The following HTRA1 variants were observed in gnomAD, a reference collection of about 807,000 sequenced individuals.
HTRA1 encodes HtrA serine peptidase 1.
Under a neutral mutation model 49.7 loss-of-function variants are expected in HTRA1, and 26 were observed. That is an observed-to-expected ratio of 0.52 (90% CI 0.38 to 0.73). The LOEUF is 0.73. Among genes scored for constraint, HTRA1 ranks in the 30% least tolerant of loss-of-function variants. The pLI is 0.00. For missense variants in HTRA1, 561 were observed against 667.2 expected, an observed-to-expected ratio of 0.84 and a Z score of 1.75; for synonymous variants, 291 against 286.9, an observed-to-expected ratio of 1.01 and a Z score of -0.14.
At chr10:122,466,108 G>A (rs1161022772) in intron 1 of HTRA1, among the ~76,000 whole-genome samples, 1 of 152,164 alleles carries the variant, frequency 6.6e-6, no homozygotes, top group African/African-American at 2.4e-5. Flanking sequence ...TACATACCTG[G>A]TGAAGAACCA....
At chr10:122,473,075 CT>C (rs1392627087) in intron 1 of HTRA1, among the ~76,000 whole-genome samples, 2 of 152,152 alleles carry the variant, frequency 1.3e-5, no homozygotes, top group Admixed American at 1.3e-4. Context: ...TGTTAGATTC[CT>C]TTTTTGGTCT....
At chr10:122,510,773 A>G (rs1374830867) in intron 7 of HTRA1, among the ~76,000 whole-genome samples, 1 of 152,210 alleles carries the variant, frequency 6.6e-6, no homozygotes, top group East Asian at 1.9e-4. Flanking sequence ...AAACTGTCAG[A>G]GGTAAAGTAG....
intron 8 of HTRA1, among the ~76,000 whole-genome samples, chr10:122,512,405 G>A (rs1393297721): frequency 6.6e-6 from 1 of 152,166 alleles, no homozygotes; most frequent in Non-Finnish European, 1.5e-5. Flanking sequence ...TCACTTGGTG[G>A]TCCTTTTCTA....
Position 122,512,001 on chromosome 10 carries a change from G to C in HTRA1, c.1210G>C (p.Asp404His). ...KAKELKDRHR[D>H]FPDVISGAYI... ...CAAAGAGCTGAAGGACCGGCACCGG[G>C]ACTTCCCAGACGTGATCTCAGGAGC... is the stretch of plus-strand genomic sequence containing the variant. The change falls in exon 8 of 9, where the codon GAC becomes CAC. Residue 404 changes from aspartate (D) to histidine (H), a missense_variant. Asp to His is a moderately conservative substitution (Grantham distance 81, BLOSUM62 -1). Transcript: ENST00000368984. 3 of 1,613,974 alleles carry C rather than the reference G, an allele frequency of 1.9e-6. No homozygotes were observed. Among genetic ancestry groups the C allele is most frequent in the Non-Finnish European group, 2.5e-6 (3 of 1,179,954 alleles).
In HTRA1 at chr10:122,514,634, A is replaced by G. The variant is rs1229355713; in HGVS notation, c.*275A>G. On this transcript the variant is annotated 3_prime_UTR_variant, in exon 9 of 9. Coordinates refer to ENST00000368984, the MANE Select transcript of HTRA1 (RefSeq NM_002775.5). ...TTGGGCCATTCTTGCTTAGACAGTC[A>G]GCATTTGTCTCCTCCTTTAACTGAG... 2.2e-6 allele frequency: 1 copy of G among 450,854 alleles called. No homozygotes were observed. Among genetic ancestry groups the G allele is most frequent in the African/African-American group, 2.0e-5 (1 of 50,304 alleles). The allele number at this position is 450,854 out of a possible 1,614,324, so 27.9% of individuals were successfully genotyped here.
chr10:122,494,416 G>A lies in HTRA1; in HGVS notation c.777+4790G>A, dbSNP rs568766568. ...CAATGAGGAAATGACCCTGCAGAAG[G>A]CTGGCTGCAGATGCCCCTGCCTCCC... On this transcript the variant is annotated intron_variant, in intron 3 of 8. Coordinates refer to ENST00000368984, the MANE Select transcript of HTRA1 (RefSeq NM_002775.5). The surrounding 1 kb of genome is among the most constrained non-coding windows in gnomAD (Gnocchi z 4.0). Among the ~76,000 whole-genome samples the A allele has an allele frequency of 1.3e-5, 2 of 152,324 alleles. No homozygotes were observed. Among genetic ancestry groups the A allele is most frequent in the East Asian group, 1.9e-4 (1 of 5,162 alleles).
In HTRA1 at chr10:122,461,660, TC is replaced by T; in HGVS notation, c.11del (p.Pro4ArgfsTer211). 7.6e-7 allele frequency: 1 copy of T among 1,312,154 alleles called. No homozygotes were observed. The highest frequency in any genetic ancestry group is 2.7e-5 in the Admixed American group (1 of 36,848). 81.3% of individuals were successfully genotyped at this position (1,312,154 alleles called of 1,614,324 possible). On this transcript the variant is annotated frameshift_variant, in exon 1 of 9. Transcript: ENST00000368984. LOFTEE classifies it high-confidence loss of function. MQ[I>X]PRAALLPLLL... ...GCCGCCGCCAGAGTCGCCATGCAGATCCCGCGCGCCGCTCTTCTCCCGCTGC... is the reference window on the plus strand; with the variant it reads ...GCCGCCGCCAGAGTCGCCATGCAGATCCGCGCGCCGCTCTTCTCCCGCTGC...
At chr10:122,513,419 C>T (rs2097506495) in intron 8 of HTRA1, among the ~76,000 whole-genome samples, 1 of 152,038 alleles carries the variant, frequency 6.6e-6, no homozygotes, top group Non-Finnish European at 1.5e-5. Flanking sequence ...TCAATCTTGA[C>T]CTTTGATCTC....
At chr10:122,502,354 C>A (rs1021698249) in intron 3 of HTRA1, among the ~76,000 whole-genome samples, 1 of 152,224 alleles carries the variant, frequency 6.6e-6, no homozygotes, top group Non-Finnish European at 1.5e-5. Context: ...CATCTTTAAT[C>A]ATGCTGTGGG....
intron 8 of HTRA1, 98 bp downstream of exon 8, chr10:122,512,163 A>G: frequency 1.1e-6 from 1 of 901,656 alleles, no homozygotes; most frequent in Non-Finnish European, 1.8e-6. Context: ...GGCTCAGATG[A>G]TTATGTTGAT....
At position 122,461,599 on chromosome 10, in the gene HTRA1, C is replaced by T. The variant is rs1275470694; in HGVS notation, c.-54C>T. The T allele has an allele frequency of 1.7e-6, 2 of 1,165,226 alleles. No individual in the cohort carries two copies. The highest frequency in any genetic ancestry group is 1.1e-6 in the Non-Finnish European group (1 of 890,780). The allele number at this position is 1,165,226 out of a possible 1,614,324, so 72.2% of individuals were successfully genotyped here. On this transcript the variant is annotated 5_prime_UTR_variant, in exon 1 of 9. Transcript: ENST00000368984. Reference sequence around the variant, plus strand: ...GGCCCTCCTGCACTCTCCCCGGCGCCGCTCTCCGGCCCTCGCCCTGTCCGC... The same window carrying T: ...GGCCCTCCTGCACTCTCCCCGGCGCTGCTCTCCGGCCCTCGCCCTGTCCGC...
intron 1 of HTRA1, among the ~76,000 whole-genome samples, chr10:122,466,234 C>T (rs573651402): frequency 3.9e-4 from 59 of 152,246 alleles, no homozygotes; most frequent in African/African-American, 8.9e-4. Flanking sequence ...GGCGCGATCT[C>T]GGCTCACTGC....
intron 3 of HTRA1, among the ~76,000 whole-genome samples, chr10:122,499,465 G>A (rs1179764087): frequency 6.6e-6 from 1 of 152,132 alleles, no homozygotes; most frequent in African/African-American, 2.4e-5. Flanking sequence ...ATTTTGCACT[G>A]GGCTCTGCTA....
intron 1 of HTRA1, among the ~76,000 whole-genome samples, chr10:122,463,668 C>T (rs1009192332): frequency 1.3e-5 from 2 of 152,232 alleles, no homozygotes; most frequent in African/African-American, 2.4e-5. Context: ...CACCCAGCTT[C>T]TCATTCCCGT....
chr10:122,506,920 G>A lies in HTRA1; in HGVS notation c.972+35G>A, dbSNP rs759676746. ...TGTCCCTCTGCGGGTGGGGATTGGGGCAGAGTTTTGCCAGGGGGAGAGGAG... is the reference window on the plus strand; with the variant it reads ...TGTCCCTCTGCGGGTGGGGATTGGGACAGAGTTTTGCCAGGGGGAGAGGAG... On this transcript the variant is annotated intron_variant, in intron 4 of 8. Coordinates refer to ENST00000368984, the MANE Select transcript of HTRA1 (RefSeq NM_002775.5). The surrounding 1 kb of genome is among the most constrained non-coding windows in gnomAD (Gnocchi z 5.2). The A allele has an allele frequency of 1.0e-5, 16 of 1,587,076 alleles. No individual in the cohort carries two copies. Among genetic ancestry groups the A allele is most frequent in the Non-Finnish European group, 1.3e-5 (15 of 1,158,190 alleles).
At chr10:122,507,223 C>A in intron 4 of HTRA1, 147 bp from the exon 5 acceptor site, 1 of 733,408 alleles carries the variant, frequency 1.4e-6, no homozygotes, top group Non-Finnish European at 2.4e-6. Context: ...TTTTTTCCGG[C>A]AAAATATTAG....
chr10:122,474,845 C>T (rs960071857), intron 1 of HTRA1, among the ~76,000 whole-genome samples: 10 of 152,178 alleles, frequency 6.6e-5, no homozygotes, highest in South Asian at 2.1e-4. Context: ...GTAACAGCAC[C>T]GATCAAACCC....
Position 122,514,225 on chromosome 10 carries a change from A to G in HTRA1, c.1309A>G (p.Ile437Val), listed in dbSNP as rs1349349165. Residue 437 changes from isoleucine (I) to valine (V), a missense_variant, in exon 9 of 9, where the codon ATC becomes GTC. By Grantham distance (29) the Ile-to-Val change is conservative. Around this residue, in one of 3 missense-constraint regions of HTRA1, gnomAD observed 179 missense variants for 173.4 expected, o/e 1.03. Coordinates refer to ENST00000368984, the MANE Select transcript of HTRA1 (RefSeq NM_002775.5). Reference protein sequence around the residue: ...GLKENDVIISINGQSVVSAND... With the variant: ...GLKENDVIISVNGQSVVSAND... Reference sequence around the variant, plus strand: ...CAAGGAAAACGACGTCATAATCAGCATCAATGGACAGTCCGTGGTCTCCGC... The same window carrying G: ...CAAGGAAAACGACGTCATAATCAGCGTCAATGGACAGTCCGTGGTCTCCGC... 1.2e-6 allele frequency: 2 copies of G among 1,614,074 alleles called. No homozygotes were observed. Among genetic ancestry groups the G allele is most frequent in the Non-Finnish European group, 1.7e-6 (2 of 1,180,022 alleles).
rs1178837136 is a variant in HTRA1, at chr10:122,510,300, G to A, written c.1178+147G>A. On this transcript the variant is annotated intron_variant, in intron 7 of 8. Transcript: ENST00000368984. The stretch of plus-strand genomic sequence containing the variant: ...ATAATGAAGTAGCATCGGGAAAGAG[G>A]ACAGGTCATTAGCCTTGGCCCCTTT... 3 of 744,366 alleles carry A rather than the reference G, an allele frequency of 4.0e-6. No individual in the cohort carries two copies. In the East Asian group the frequency reaches 8.0e-5, roughly 20 times the overall value. 46.1% of individuals were successfully genotyped at this position (744,366 alleles called of 1,614,324 possible). A position where few individuals can be genotyped will look rare whatever the true frequency, so the allele number is the denominator to read the frequency against.
Sources: gnomAD v4.1 joint callset for allele counts (sites outside exome capture counted in the v4.1 genomes callset) on GRCh38, gnomAD v4.1.1 for gene constraint, gnomAD v4.1.1 regional missense constraint, Gnocchi (gnomAD v3.1) non-coding constraint, MANE v1.5 for transcripts, NCBI Gene and HGNC (gene_info 2026-07-23, HGNC 2026-07-21) for gene names.